SNX2: variants seen among roughly 807,000 people sequenced by gnomAD.
SNX2 encodes the protein sorting nexin 2, also known as sorting nexin-2.
SNX2 carries 25 observed loss-of-function variants against 69.9 expected under a neutral mutation model. That is an observed-to-expected ratio of 0.36 (90% CI 0.26 to 0.50). The LOEUF (loss-of-function observed/expected upper bound fraction) is 0.50, where lower values mean the gene tolerates loss of function less well. SNX2 is among the 20% of genes least tolerant of loss of function. The pLI is 0.97. For missense variants in SNX2, 551 were observed against 613.3 expected, an observed-to-expected ratio of 0.90 and a Z score of 1.07; for synonymous variants, 229 against 200.4, an observed-to-expected ratio of 1.14 and a Z score of -1.20.
At chr5:122,792,466 G>T (rs563581440) in intron 1 of SNX2, among the ~76,000 whole-genome samples, 1 of 152,142 alleles carries the variant, frequency 6.6e-6, no homozygotes, top group South Asian at 2.1e-4. Context: ...GTGTGGTGGC[G>T]GGTGCCTGTG....
intron 14 of SNX2, chr5:122,828,172 T>A (rs1383832404): frequency 6.6e-6 from 1 of 152,228 alleles, no homozygotes; most frequent in Non-Finnish European, 1.5e-5. Context: ...AAAATTTTCC[T>A]GTATATTTTA....
chr5:122,805,310 A>G (rs1753616880), intron 6 of SNX2, among the ~76,000 whole-genome samples: 1 of 147,314 alleles, frequency 6.8e-6, no homozygotes, highest in Non-Finnish European at 1.5e-5. Context: ...AAAAAAAAGA[A>G]TTTTGCTGAT....
rs1754336525 is a variant in SNX2 at position 122,833,344 on chromosome 5, A to C, written c.*3696A>C. ...ATGGTAATCTATGGAGAAGGTCCTT[A>C]AGAGCATAGAACAATATAAATATAA... On this transcript the variant is annotated 3_prime_UTR_variant, in exon 15 of 15. Coordinates refer to ENST00000379516, the MANE Select transcript of SNX2 (RefSeq NM_003100.4). 6.6e-6 allele frequency: 1 copy of C among 152,204 alleles called. No homozygotes were observed. Among genetic ancestry groups the C allele is most frequent in the African/African-American group, 2.4e-5 (1 of 41,454 alleles). 9.4% of individuals were successfully genotyped at this position (152,204 alleles called of 1,614,324 possible).
At chr5:122,793,044 C>G (rs554838091) in intron 1 of SNX2, among the ~76,000 whole-genome samples, 1 of 152,276 alleles carries the variant, frequency 6.6e-6, no homozygotes, top group Admixed American at 6.5e-5. Context: ...ATTATACAAC[C>G]ACTTTAGAAG....
At chr5:122,828,847 A>G (rs890126014) in intron 14 of SNX2, among the ~76,000 whole-genome samples, 1 of 152,206 alleles carries the variant, frequency 6.6e-6, no homozygotes, top group African/African-American at 2.4e-5. Flanking sequence ...GGCCGGGCGC[A>G]GCGGCTCATG....
intron 1 of SNX2, among the ~76,000 whole-genome samples, chr5:122,787,707 T>C (rs1331490683): frequency 1.3e-5 from 2 of 152,150 alleles, no homozygotes; most frequent in African/African-American, 4.8e-5. Flanking sequence ...CATTGTGCGG[T>C]CCACTCTTGG....
intron 7 of SNX2, 86 bp from the exon 8 acceptor site, chr5:122,815,810 T>C (rs552218601): frequency 2.0e-5 from 13 of 646,282 alleles, no homozygotes; most frequent in African/African-American, 1.1e-4. Flanking sequence ...CACTTTTTTT[T>C]CCTAGTATTT....
Position 122,834,046 on chromosome 5 carries a change from A to G in SNX2, c.*4398A>G, listed in dbSNP as rs1754354992. ...AACTAGGAGATCCAGGGCTTAAATCATGATTGAACTGATTATTCCTGTTAA... is the reference window on the plus strand; with the variant it reads ...AACTAGGAGATCCAGGGCTTAAATCGTGATTGAACTGATTATTCCTGTTAA... On this transcript the variant is annotated 3_prime_UTR_variant, in exon 15 of 15. Coordinates refer to ENST00000379516, the MANE Select transcript of SNX2 (RefSeq NM_003100.4). The G allele has an allele frequency of 6.6e-6, 1 of 152,236 alleles. No individual in the cohort carries two copies. Among genetic ancestry groups the G allele is most frequent in the Non-Finnish European group, 1.5e-5 (1 of 68,028 alleles). The allele number at this position is 152,236 out of a possible 1,614,324, so 9.4% of individuals were successfully genotyped here.
chr5:122,816,236 C>T (rs1753898800), intron 8 of SNX2, among the ~76,000 whole-genome samples: 1 of 151,942 alleles, frequency 6.6e-6, no homozygotes, highest in Admixed American at 6.6e-5. Context: ...CTCTGAATGC[C>T]CTAAGTTGTT....
chr5:122,825,906 G>T, intron 11 of SNX2, 144 bp from the exon 12 acceptor site: 1 of 625,968 alleles, frequency 1.6e-6, no homozygotes, highest in Non-Finnish European at 2.4e-6. Flanking sequence ...TTTGATATTG[G>T]CATACTTACT....
chr5:122,775,538 G>A, intron 1 of SNX2: 1 of 1,035,608 alleles, frequency 9.7e-7, no homozygotes, highest in Non-Finnish European at 1.2e-6. Flanking sequence ...AGCCGGAGAA[G>A]GGCTTGCTCT....
At chr5:122,806,138 G>GCACACACACA (rs1314424933) in intron 6 of SNX2, among the ~76,000 whole-genome samples, 1 of 61,546 alleles carries the variant, frequency 1.6e-5, no homozygotes, top group African/African-American at 4.6e-5. Context: ...ATACACACGC[G>GCACACACACA]CGCGCACACA....
At chr5:122,819,517 T>C in intron 11 of SNX2, among the ~76,000 whole-genome samples, 1 of 152,214 alleles carries the variant, frequency 6.6e-6, no homozygotes, top group Non-Finnish European at 1.5e-5. Flanking sequence ...TGGGACTAGA[T>C]TAGATCATAA....
intron 1 of SNX2, among the ~76,000 whole-genome samples, chr5:122,777,524 A>T (rs1752882070): frequency 6.6e-6 from 1 of 152,212 alleles, no homozygotes; most frequent in South Asian, 2.1e-4. Flanking sequence ...AGTAAGTCAG[A>T]GTTTATTATA....
Position 122,831,008 on chromosome 5 carries a change from T to TAAA in SNX2, c.*1360_*1361insAAA, listed in dbSNP as rs1754275487. Among the ~76,000 whole-genome samples, 1 of 19,088 alleles carries TAAA rather than the reference T, an allele frequency of 5.2e-5. No individual in the cohort carries two copies. Among genetic ancestry groups the TAAA allele is most frequent in the African/African-American group, 2.9e-4 (1 of 3,486 alleles). The allele number at this position is 19,088 out of a possible 152,430, so 12.5% of individuals were successfully genotyped here. A position where few individuals can be genotyped will look rare whatever the true frequency, so the allele number is the denominator to read the frequency against. ...TAGGCAACAAAAGCAAAACTCCATCTCAAAAAAAAAAAAAAAAAAAAAAAA... is the reference window on the plus strand; with the variant it reads ...TAGGCAACAAAAGCAAAACTCCATCTAAACAAAAAAAAAAAAAAAAAAAAAAAA... On this transcript the variant is annotated 3_prime_UTR_variant, in exon 15 of 15. Coordinates refer to ENST00000379516, the MANE Select transcript of SNX2 (RefSeq NM_003100.4).
At chr5:122,801,828 A>T in intron 3 of SNX2, 41 bp from the exon 4 acceptor site, 1 of 1,252,346 alleles carries the variant, frequency 8.0e-7, no homozygotes, top group South Asian at 1.3e-5. Flanking sequence ...AATAATTTAA[A>T]TTATAATTTT....
At chr5:122,825,435 ATC>A (rs1218716520) in intron 11 of SNX2, among the ~76,000 whole-genome samples, 1 of 151,884 alleles carries the variant, frequency 6.6e-6, no homozygotes, top group Non-Finnish European at 1.5e-5. Flanking sequence ...TTGTATTAGG[ATC>A]TTTTTGTCTA....
intron 1 of SNX2, among the ~76,000 whole-genome samples, chr5:122,783,197 G>A (rs12658715): frequency 0.2 from 30,919 of 151,440 alleles, 3,567 homozygotes; most frequent in East Asian, 0.46. Context: ...CACCCATCTC[G>A]GCCTCCCAGA....
intron 2 of SNX2, among the ~76,000 whole-genome samples, chr5:122,798,988 C>G (rs2150007202): frequency 6.6e-6 from 1 of 152,274 alleles, no homozygotes; most frequent in East Asian, 1.9e-4. Context: ...ATTATAAACT[C>G]TCTGAGGGCA....
Sources: gnomAD v4.1 joint callset for allele counts (sites outside exome capture counted in the v4.1 genomes callset) on GRCh38, gnomAD v4.1.1 for gene constraint, MANE v1.5 for transcripts, NCBI Gene and HGNC (gene_info 2026-07-23, HGNC 2026-07-21) for gene names.